The following IQANK1 variants were observed in gnomAD, a reference collection of about 807,000 sequenced individuals.
The protein encoded by IQANK1 is IQ motif and ankyrin repeat domain-containing protein 1.
Under a neutral mutation model 22.6 loss-of-function variants are expected in IQANK1, and 30 were observed. That is an observed-to-expected ratio of 1.33 (90% CI 0.99 to 1.80). IQANK1 has a LOEUF of 1.80. Ranked by LOEUF, IQANK1 falls within the 40% of genes most tolerant of loss-of-function variation. The pLI is 0.00. For missense variants in IQANK1, 275 were observed against 235.2 expected (o/e 1.17, Z -1.11); for synonymous variants, 122 against 99.6 (o/e 1.23, Z -1.34).
intron 3 of IQANK1, among the ~76,000 whole-genome samples, chr8:143,761,870 T>C (rs1819403279): frequency 8.5e-6 from 1 of 117,854 alleles, no homozygotes; most frequent in Non-Finnish European, 2.1e-5. Context: ...TATATTAGGA[T>C]AGAAATATAT....
At chr8:143,760,598 G>A (rs1819377576) in intron 3 of IQANK1, 1 of 152,128 alleles carries the variant, frequency 6.6e-6, no homozygotes, top group Non-Finnish European at 1.5e-5. Context: ...TGGGAGGATC[G>A]GTTGAGCCTG....
chr8:143,739,027 T>C (rs1050457118), intron 2 of IQANK1, among the ~76,000 whole-genome samples: 10 of 152,268 alleles, frequency 6.6e-5, no homozygotes, highest in African/African-American at 2.4e-4. Context: ...TGCGTGGCAC[T>C]TTGTGAACTG....
At chr8:143,783,546 T>G (rs1226067788) in intron 7 of IQANK1, among the ~76,000 whole-genome samples, 1 of 152,182 alleles carries the variant, frequency 6.6e-6, no homozygotes, top group Non-Finnish European at 1.5e-5. Flanking sequence ...TTCACTCACT[T>G]AATGTTATAA....
At chr8:143,760,949 G>C (rs559850911) in intron 3 of IQANK1, among the ~76,000 whole-genome samples, 1 of 152,312 alleles carries the variant, frequency 6.6e-6, no homozygotes, top group East Asian at 1.9e-4. Context: ...TTTGGACTTA[G>C]GAAGACTGCG....
At chr8:143,762,570 A>G (rs1033941023) in intron 3 of IQANK1, among the ~76,000 whole-genome samples, 15 of 152,102 alleles carry the variant, frequency 9.9e-5, no homozygotes, top group Admixed American at 9.8e-4. Flanking sequence ...TGAGACCACC[A>G]AGCTCCCTGT....
chr8:143,770,753 G>A (rs1554629667), intron 3 of IQANK1, among the ~76,000 whole-genome samples: 1 of 152,276 alleles, frequency 6.6e-6, no homozygotes, highest in Non-Finnish European at 1.5e-5. Flanking sequence ...GGCGCACGCT[G>A]AGCGTTCACT....
intron 3 of IQANK1, among the ~76,000 whole-genome samples, chr8:143,765,083 T>G (rs1032421704): frequency 2.0e-5 from 3 of 152,126 alleles, no homozygotes; most frequent in Non-Finnish European, 4.4e-5. Context: ...GCGCCGGGTT[T>G]GTTGGCTCAT....
In IQANK1 at chr8:143,735,555, C is replaced by A. The variant is rs1403816280; in HGVS notation, c.-4-295C>A. ...GGGGCAGGGAGAAGAGTGCTAGACTCCAGATCCTGCGCCCGGCAGGATGGG... is the reference window on the plus strand; with the variant it reads ...GGGGCAGGGAGAAGAGTGCTAGACTACAGATCCTGCGCCCGGCAGGATGGG... On this transcript the variant is annotated intron_variant, in intron 1 of 13. Transcript: ENST00000527139. The surrounding 1 kb of genome is among the most constrained non-coding windows in gnomAD (Gnocchi z 5.2). Among the ~76,000 whole-genome samples the A allele has an allele frequency of 6.6e-6, 1 of 152,124 alleles. No homozygotes were observed. Among genetic ancestry groups the A allele is most frequent in the Non-Finnish European group, 1.5e-5 (1 of 68,000 alleles).
chr8:143,751,893 A>G (rs1554628086), intron 3 of IQANK1, among the ~76,000 whole-genome samples: 1 of 149,688 alleles, frequency 6.7e-6, no homozygotes, highest in African/African-American at 2.4e-5. Context: ...TCACATGTGA[A>G]GGATAGTTTT....
In IQANK1 at chr8:143,766,616, A is replaced by T. The variant is rs560088567; in HGVS notation, c.176-4872A>T. Among the ~76,000 whole-genome samples, 7 of 152,256 alleles carry T rather than the reference A, an allele frequency of 4.6e-5. No homozygotes were observed. The South Asian group carries it at 1.5e-3, about 32-fold the overall frequency. ...AACCCGGGAGGTGGAGGTTGCAGTG[A>T]GCCAGGATCGAGTCACTGCACTCCA... is the stretch of plus-strand genomic sequence containing the variant. On this transcript the variant is annotated intron_variant, in intron 3 of 13. Coordinates refer to ENST00000527139, the MANE Select transcript of IQANK1 (RefSeq NM_001381874.1).
intron 3 of IQANK1, among the ~76,000 whole-genome samples, chr8:143,747,647 T>TTTA (rs1554627351): frequency 1.3e-5 from 2 of 151,872 alleles, no homozygotes; most frequent in African/African-American, 4.8e-5. Context: ...TGTTTTTTTT[T>TTTA]AAAAAAGAGT....
intron 3 of IQANK1, among the ~76,000 whole-genome samples, chr8:143,767,774 A>C (rs1490250065): frequency 6.6e-6 from 1 of 150,440 alleles, no homozygotes; most frequent in Non-Finnish European, 1.5e-5. Context: ...GGTCTTGGCT[A>C]CTCAGGAGGC....
At position 143,754,330 on chromosome 8, in the gene IQANK1, G is replaced by A. The variant is rs538363366; in HGVS notation, c.175+14382G>A. Among the ~76,000 whole-genome samples, 164 of 152,280 alleles carry A rather than the reference G, an allele frequency of 1.1e-3. 1 individual carries two copies. Among genetic ancestry groups the A allele is most frequent in the Non-Finnish European group, 4.1e-4 (28 of 68,026 alleles). ...GGCCGTATCCGTGGGTCAGGAGTCC[G>A]GGCACAGGCTAAATGGGTCCTCTGG... On this transcript the variant is annotated intron_variant, in intron 3 of 13. Transcript: ENST00000527139.
chr8:143,739,921 TCGGCTGAGAGCCCACAGGCCCCCA>T lies in IQANK1; in HGVS notation c.150_173del (p.Ala51_Thr58del), dbSNP rs1320486897. 1.0e-4 allele frequency: 71 copies of T among 699,446 alleles called. No individual in the cohort carries two copies. The highest frequency in any genetic ancestry group is 1.5e-4 in the Non-Finnish European group (57 of 383,636). 43.3% of individuals were successfully genotyped at this position (699,446 alleles called of 1,614,324 possible). On this transcript the variant is annotated inframe_deletion, in exon 3 of 14. Transcript: ENST00000527139. ...GGGCTGGCAGGCGAGGGAGCCCGCG[TCGGCTGAGAGCCCACAGGCCCCCA>T]CAGGTGAGAGCCCGCACGTCCCGCG...
intron 3 of IQANK1, among the ~76,000 whole-genome samples, chr8:143,757,559 G>A (rs1819316593): frequency 1.3e-5 from 2 of 152,044 alleles, no homozygotes; most frequent in Admixed American, 1.3e-4. Flanking sequence ...GGATGGTCTC[G>A]ATCTCTTGAC....
chr8:143,748,830 T>TTCATATATAGATATATAAATATATATA (rs1819104146), intron 3 of IQANK1, among the ~76,000 whole-genome samples: 1 of 84,004 alleles, frequency 1.2e-5, no homozygotes, highest in Non-Finnish European at 2.1e-5. Context: ...AAATATATAT[T>TTCATATATAGATATATAAATATATATA]TCATATATAA....
chr8:143,762,265 C>T (rs546854997), intron 3 of IQANK1, among the ~76,000 whole-genome samples: 7 of 149,316 alleles, frequency 4.7e-5, no homozygotes, highest in African/African-American at 1.2e-4. Context: ...GCCGAGATCG[C>T]GCCATTGCAC....
chr8:143,741,566 C>T (rs142830415), intron 3 of IQANK1, among the ~76,000 whole-genome samples: 2,312 of 152,264 alleles, frequency 0.015, 24 homozygotes, highest in Non-Finnish European at 0.022. Flanking sequence ...CTATTTCAGG[C>T]AGAACAGACT....
At chr8:143,743,870 G>C (rs889708307) in intron 3 of IQANK1, 1 of 424,680 alleles carries the variant, frequency 2.4e-6, no homozygotes, top group Non-Finnish European at 4.6e-6. Flanking sequence ...ATGGAGTTTC[G>C]CTCTGTTGCC....
Sources: gnomAD v4.1 joint callset for allele counts (sites outside exome capture counted in the v4.1 genomes callset) on GRCh38, gnomAD v4.1.1 for gene constraint, Gnocchi (gnomAD v3.1) non-coding constraint, MANE v1.5 for transcripts, NCBI Gene and HGNC (gene_info 2026-07-23, HGNC 2026-07-21) for gene names.